The following COL6A5 variants were observed in gnomAD, a reference collection of about 807,000 sequenced individuals.
COL6A5 encodes collagen type VI alpha 5 chain.
A neutral mutation model predicts 65.6 loss-of-function variants in COL6A5; 48 were observed. That is an observed-to-expected ratio of 0.73 (90% confidence interval 0.58 to 0.93). The LOEUF is 0.93. Among genes scored for constraint, COL6A5 ranks in the 40% least tolerant of loss-of-function variants. The probability of loss-of-function intolerance (pLI) is 0.00; values close to 1 mark genes in which losing one functional copy is unlikely to be tolerated. For missense variants in COL6A5, 914 were observed against 928.3 expected (o/e 0.98, Z 0.20); for synonymous variants, 291 against 322.8 (o/e 0.90, Z 1.05).
At chr3:130,375,412 T>C (rs377655724) in intron 2 of COL6A5, among the ~76,000 whole-genome samples, 7 of 152,274 alleles carry the variant, frequency 4.6e-5, no homozygotes, top group East Asian at 1.9e-4. Context: ...AGGTCAAAGC[T>C]AGACCTTACC....
intron 4 of COL6A5, among the ~76,000 whole-genome samples, chr3:130,448,349 G>A (rs149880468): frequency 1.5e-3 from 234 of 152,252 alleles, no homozygotes; most frequent in African/African-American, 5.5e-3. Context: ...AAGTCCTGGG[G>A]CTGCGGAGGT....
intron 4 of COL6A5, among the ~76,000 whole-genome samples, chr3:130,446,832 C>T (rs1709316690): frequency 6.6e-6 from 1 of 152,080 alleles, no homozygotes; most frequent in Non-Finnish European, 1.5e-5. Flanking sequence ...ATAACACTGG[C>T]TTGTCTTCGT....
chr3:130,402,506 T>C (rs1936850438), intron 12 of COL6A5, among the ~76,000 whole-genome samples: 1 of 152,102 alleles, frequency 6.6e-6, no homozygotes, highest in Non-Finnish European at 1.5e-5. Context: ...TGGTAATGAC[T>C]AAAAAAAGCA....
At chr3:130,403,797 G>T (rs1034935851) in intron 13 of COL6A5, 135 bp downstream of exon 13, 2 of 527,360 alleles carry the variant, frequency 3.8e-6, no homozygotes, top group Non-Finnish European at 6.4e-6. Context: ...ATGGGGTTTT[G>T]TTTATATGTT....
intron 28 of COL6A5, among the ~76,000 whole-genome samples, chr3:130,423,245 A>T (rs2107686250): frequency 6.6e-6 from 1 of 152,200 alleles, no homozygotes; most frequent in Non-Finnish European, 1.5e-5. Flanking sequence ...GAGATCTTCT[A>T]ATTAGCAAAG....
intron 7 of COL6A5, chr3:130,477,166 G>A: frequency 9.5e-7 from 1 of 1,049,172 alleles, no homozygotes. Flanking sequence ...GTTAGGCCAT[G>A]AAACAGAAAT....
chr3:130,477,152 T>A, intron 7 of COL6A5: 1 of 1,175,362 alleles, frequency 8.5e-7, no homozygotes, highest in South Asian at 1.3e-5. Flanking sequence ...AAGTTTACCT[T>A]AAAGTTAGGC....
chr3:130,455,553 A>T lies in COL6A5; in HGVS notation c.1433A>T (p.Asp478Val), dbSNP rs1284974591. The change falls in exon 5 of 8, where the codon GAC (aspartate) becomes GTC (valine). Residue 478 changes from aspartate (D) to valine (V), a missense_variant. Transcript: ENST00000512836. The stretch of plus-strand genomic sequence containing the variant: ...GAATCACCTTTTGTAAAGACGGAAG[A>T]CAATGGAAGTGACTATTTGGTTTAC... 4.3e-6 allele frequency: 7 copies of T among 1,612,742 alleles called. No individual in the cohort carries two copies. The African/African-American group carries it at 9.3e-5, about 22-fold the overall frequency.
chr3:130,368,721 T>G (rs908091966), intron 1 of COL6A5, among the ~76,000 whole-genome samples: 1 of 151,586 alleles, frequency 6.6e-6, no homozygotes, highest in Non-Finnish European at 1.5e-5. Context: ...TGTGGAGGAG[T>G]GGTGCCATGG....
exon 1 of COL6A5, chr3:130,431,672 A>T: frequency 6.4e-7 from 1 of 1,551,648 alleles, no homozygotes; most frequent in Non-Finnish European, 8.7e-7. Flanking sequence ...TGGTCTGACT[A>T]CAATAGGAAG....
At chr3:130,410,100 GTTGA>G (rs1559886834) in intron 19 of COL6A5, 26 bp downstream of exon 19, 4 of 1,479,344 alleles carry the variant, frequency 2.7e-6, no homozygotes, top group South Asian at 1.2e-5. Context: ...TTATCTATGA[GTTGA>G]TTAATTCTGT....
chr3:130,425,399 A>G (rs550237348), intron 29 of COL6A5, among the ~76,000 whole-genome samples: 2 of 152,290 alleles, frequency 1.3e-5, no homozygotes, highest in African/African-American at 4.8e-5. Flanking sequence ...AAATTGTACA[A>G]GTGTAAGCAT....
rs142408473 is a variant in COL6A5, at chr3:130,440,907, T to C, written c.1241+82T>C. 2.8e-4 allele frequency: 283 copies of C among 1,010,192 alleles called. No individual in the cohort carries two copies. The African/African-American group carries it at 4.0e-3, about 14-fold the overall frequency. The allele number at this position is 1,010,192 out of a possible 1,614,324, so 62.6% of individuals were successfully genotyped here. A position where few individuals can be genotyped will look rare whatever the true frequency, so the allele number is the denominator to read the frequency against. On this transcript the variant is annotated intron_variant, in intron 3 of 7. Transcript: ENST00000512836. ...AGTATTGATAACCTATTTTTGTATC[T>C]ATAGCTAATCTAAACATAATTTATG...
exon 3 of COL6A5, chr3:130,376,447 T>C (rs1428682846): frequency 1.9e-6 from 3 of 1,612,554 alleles, no homozygotes; most frequent in Non-Finnish European, 2.5e-6. Flanking sequence ...AGAAGCCCCA[T>C]GCTGAACCAC....
At chr3:130,391,807 A>G (rs537243596) in intron 7 of COL6A5, 53 bp downstream of exon 7, 2 of 1,348,408 alleles carry the variant, frequency 1.5e-6, no homozygotes, top group Non-Finnish European at 2.0e-6. Flanking sequence ...AGTTTAAACA[A>G]AAAGTAAATC....
chr3:130,439,630 G>A lies in COL6A5; in HGVS notation c.581+15G>A. On this transcript the variant is annotated intron_variant, in intron 2 of 7. Coordinates refer to ENST00000512836, the Ensembl canonical transcript of COL6A5. ...ACTTTGCTATGGTAAGACCAATGAA[G>A]AGAATTGACTGTGCTGAAGAGCTTA... is the stretch of plus-strand genomic sequence containing the variant. 1 of 1,531,674 alleles carries A rather than the reference G, an allele frequency of 6.5e-7. No homozygotes were observed. The highest frequency in any genetic ancestry group is 8.9e-7 in the Non-Finnish European group (1 of 1,129,108). 94.9% of individuals were successfully genotyped at this position (1,531,674 alleles called of 1,614,324 possible).
intron 4 of COL6A5, 99 bp downstream of exon 36, chr3:130,443,665 G>T: frequency 1.6e-6 from 1 of 631,370 alleles, no homozygotes; most frequent in Non-Finnish European, 2.8e-6. Context: ...TGCTAACAAG[G>T]TCTCTGAAGT....
chr3:130,405,894 G>A, intron 14 of COL6A5, 99 bp from the exon 15 acceptor site: 2 of 1,203,418 alleles, frequency 1.7e-6, no homozygotes, highest in Non-Finnish European at 2.4e-6. Context: ...ATAGCCCGAA[G>A]CGACTAAAGA....
At position 130,379,403 on chromosome 3, in the gene COL6A5, T is replaced by C; in HGVS notation, c.668-15T>C. 1.3e-6 allele frequency: 2 copies of C among 1,543,744 alleles called. No individual in the cohort carries two copies. Among genetic ancestry groups the C allele is most frequent in the African/African-American group, 2.7e-5 (2 of 72,838 alleles). On this transcript the variant is annotated splice_polypyrimidine_tract_variant and intron_variant and NMD_transcript_variant, in intron 3 of 41. Coordinates refer to the COL6A5 transcript ENST00000312481. ...GTGGTTTATACTAATCCTCACACAT[T>C]TTCTGTCTGCATAGTTCACTTCCCC...
Sources: gnomAD v4.1 joint callset for allele counts (sites outside exome capture counted in the v4.1 genomes callset) on GRCh38, gnomAD v4.1.1 for gene constraint, MANE v1.5 for transcripts, NCBI Gene and HGNC (gene_info 2026-07-23, HGNC 2026-07-21) for gene names.